Variants in PCDHGA7 observed in about 807,000 individuals in gnomAD.
PCDHGA7 encodes protocadherin gamma subfamily A, 7.
A neutral mutation model predicts 58.3 loss-of-function variants in PCDHGA7; 44 were observed. That is an observed-to-expected ratio of 0.75 (90% CI 0.59 to 0.97). The LOEUF (loss-of-function observed/expected upper bound fraction) is 0.97, where lower values mean the gene tolerates loss of function less well. PCDHGA7 is among the 50% of genes least tolerant of loss of function. The pLI is 0.00. For missense variants in PCDHGA7, 1,266 were observed against 1,188.7 expected, an observed-to-expected ratio of 1.06 and a Z score of -0.96; for synonymous variants, 516 against 504.2, an observed-to-expected ratio of 1.02 and a Z score of -0.31.
In PCDHGA7 at chr5:141,432,021, C is replaced by G. The variant is rs746940912; in HGVS notation, c.2424+46698C>G. 1.9e-5 allele frequency: 30 copies of G among 1,614,076 alleles called. No individual in the cohort carries two copies. The highest frequency in any genetic ancestry group is 2.7e-5 in the African/African-American group (2 of 74,922). Reference sequence around the variant, plus strand: ...GAACAGGTTCCTAGCTACAACATCACAGTGACCGCCACTGACCGGGGAACC... The same window carrying G: ...GAACAGGTTCCTAGCTACAACATCAGAGTGACCGCCACTGACCGGGGAACC... On this transcript the variant is annotated intron_variant, in intron 1 of 3. Transcript: ENST00000518325. The surrounding 1 kb of genome is among the most constrained non-coding windows in gnomAD (Gnocchi z 6.0).
chr5:141,494,891 C>G, intron 2 of PCDHGA7, 26 bp downstream of exon 2: 1 of 1,614,098 alleles, frequency 6.2e-7, no homozygotes. Flanking sequence ...TCCAGCCCAC[C>G]CTCTTCTCTG....
chr5:141,495,810 C>T (rs1003475681), intron 2 of PCDHGA7, among the ~76,000 whole-genome samples: 1 of 152,088 alleles, frequency 6.6e-6, no homozygotes, highest in Non-Finnish European at 1.5e-5. Context: ...CGTTTCCTAG[C>T]GCCTTGTGTT....
At chr5:141,473,066 A>G (rs1002054198) in intron 1 of PCDHGA7, among the ~76,000 whole-genome samples, 3 of 152,128 alleles carry the variant, frequency 2.0e-5, no homozygotes, top group African/African-American at 7.2e-5. Context: ...AACAAGTTAC[A>G]GCATCTTTGT....
intron 1 of PCDHGA7, among the ~76,000 whole-genome samples, chr5:141,444,062 A>G (rs1335403906): frequency 6.7e-6 from 1 of 149,402 alleles, no homozygotes; most frequent in African/African-American, 2.5e-5. Context: ...TTCAATCTAG[A>G]TTCTGATGCT....
intron 1 of PCDHGA7, among the ~76,000 whole-genome samples, chr5:141,472,980 CAAAAA>C (rs60579131): frequency 1.2e-5 from 1 of 86,106 alleles, no homozygotes; most frequent in African/African-American, 3.9e-5. Flanking sequence ...GAGTGAAACT[CAAAAA>C]AAAAAAAAAA....
In PCDHGA7 at chr5:141,431,514, C is replaced by T. The variant is rs760416874; in HGVS notation, c.2424+46191C>T. ...CAGCCCGAGTACCGCGCGAGCGTTC[C>T]GGAGAATCTGGCCTTGGGCACGCAG... On this transcript the variant is annotated intron_variant, in intron 1 of 3. Transcript: ENST00000518325. This position sits in a 1 kb window ranked among gnomAD's most constrained non-coding sequence, Gnocchi z 4.8. 3.1e-6 allele frequency: 5 copies of T among 1,614,012 alleles called. No homozygotes were observed. The highest frequency in any genetic ancestry group is 1.1e-5 in the South Asian group (1 of 91,082).
intron 1 of PCDHGA7, chr5:141,395,163 G>A: frequency 6.2e-7 from 1 of 1,614,160 alleles, no homozygotes; most frequent in Middle Eastern, 1.6e-4. Flanking sequence ...CAGTCAGGAG[G>A]GCTGTGAGAA....
Position 141,485,208 on chromosome 5 carries a change from G to T in PCDHGA7, c.2425-9599G>T, listed in dbSNP as rs2099609377. On this transcript the variant is annotated intron_variant, in intron 1 of 3. Coordinates refer to ENST00000518325, the MANE Select transcript of PCDHGA7 (RefSeq NM_018920.4). This position sits in a 1 kb window ranked among gnomAD's most constrained non-coding sequence, Gnocchi z 5.7. ...AAGGTGAGAAGCTGGACAGAAATCT[G>T]GCGGTGGGCTACCCTTTTGTTCCTC... The T allele has an allele frequency of 6.2e-7, 1 of 1,613,998 alleles. No homozygotes were observed. The highest frequency in any genetic ancestry group is 1.3e-5 in the African/African-American group (1 of 74,930).
Position 141,476,715 on chromosome 5 carries a change from G to C in PCDHGA7, c.2425-18092G>C. 6.2e-7 allele frequency: 1 copy of C among 1,614,168 alleles called. No individual in the cohort carries two copies. The highest frequency in any genetic ancestry group is 8.5e-7 in the Non-Finnish European group (1 of 1,180,030). On this transcript the variant is annotated intron_variant, in intron 1 of 3. Transcript: ENST00000518325. The surrounding 1 kb of genome is among the most constrained non-coding windows in gnomAD (Gnocchi z 7.6). ...AAGTACGCGGAGCTGGTGTTGGAGC[G>C]CGCCCTGGACCGAGAACGGGAGCCT...
At chr5:141,466,457 A>G (rs969935541) in intron 1 of PCDHGA7, among the ~76,000 whole-genome samples, 12 of 152,146 alleles carry the variant, frequency 7.9e-5, no homozygotes, top group Admixed American at 6.6e-4. Context: ...GGTGTTGGCT[A>G]TTGTTTCTGC....
chr5:141,501,447 A>G (rs1483189279), intron 2 of PCDHGA7, among the ~76,000 whole-genome samples: 1 of 151,816 alleles, frequency 6.6e-6, no homozygotes, highest in Middle Eastern at 3.2e-3. Flanking sequence ...TTCCATTTTT[A>G]CTTTTCACTA....
At chr5:141,400,533 C>T in intron 1 of PCDHGA7, 11 of 1,613,902 alleles carry the variant, frequency 6.8e-6, no homozygotes, top group Non-Finnish European at 9.3e-6. Context: ...TGGTGAGTTT[C>T]ATTTATGTCT....
chr5:141,490,822 C>T lies in PCDHGA7; in HGVS notation c.2425-3985C>T. ...GCGTACCTTTGACTATGAATTGCTG[C>T]AGATGCTGCAGATTGTGGTGGGGGT... On this transcript the variant is annotated intron_variant, in intron 1 of 3. Coordinates refer to ENST00000518325, the MANE Select transcript of PCDHGA7 (RefSeq NM_018920.4). This position sits in a 1 kb window ranked among gnomAD's most constrained non-coding sequence, Gnocchi z 5.4. 2 of 1,613,842 alleles carry T rather than the reference C, an allele frequency of 1.2e-6. No individual in the cohort carries two copies. Among genetic ancestry groups the T allele is most frequent in the Non-Finnish European group, 1.7e-6 (2 of 1,179,790 alleles).
intron 1 of PCDHGA7, chr5:141,423,357 C>T: frequency 6.2e-7 from 1 of 1,614,214 alleles, no homozygotes; most frequent in Non-Finnish European, 8.5e-7. Context: ...TCTTTGTCAT[C>T]GTGCTGCTGG....
chr5:141,417,910 A>G (rs1339671115), intron 1 of PCDHGA7: 2 of 1,599,246 alleles, frequency 1.3e-6, no homozygotes, highest in East Asian at 2.3e-5. Flanking sequence ...GGCAGGTACT[A>G]TTTCCTTTGC....
At chr5:141,407,238 T>C (rs538322072) in intron 1 of PCDHGA7, among the ~76,000 whole-genome samples, 1 of 152,338 alleles carries the variant, frequency 6.6e-6, no homozygotes, top group East Asian at 1.9e-4. Context: ...AAATAAAGCA[T>C]ACTTCAGGCT....
chr5:141,404,499 C>T lies in PCDHGA7; in HGVS notation c.2424+19176C>T, dbSNP rs147632103. ...AACTCAGACACTGGTGTGCTGTATG[C>T]TCTGTGCTCCTTTGACTATGAGCAG... On this transcript the variant is annotated intron_variant, in intron 1 of 3. Coordinates refer to ENST00000518325, the MANE Select transcript of PCDHGA7 (RefSeq NM_018920.4). 1.0e-4 allele frequency: 163 copies of T among 1,613,840 alleles called. 1 individual carries two copies. The East Asian group carries it at 3.6e-3, about 36-fold the overall frequency.
chr5:141,468,860 C>A (rs941902317), intron 1 of PCDHGA7, among the ~76,000 whole-genome samples: 16 of 151,980 alleles, frequency 1.1e-4, no homozygotes, highest in Admixed American at 4.6e-4. Context: ...AGCGAGACTC[C>A]ATCTCAAAAA....
rs951964805 is a variant in PCDHGA7, at chr5:141,512,109, C to A, written c.*936C>A. The A allele has an allele frequency of 1.0e-4, 16 of 152,656 alleles. No individual in the cohort carries two copies. The highest frequency in any genetic ancestry group is 1.5e-5 in the Non-Finnish European group (1 of 68,058). 9.5% of individuals were successfully genotyped at this position (152,656 alleles called of 1,614,324 possible). Reference sequence around the variant, plus strand: ...ACCAATAACTAGGCTGGACCCTTCCCACTACATAATAGGGCTCAGCCCAGG... The same window carrying A: ...ACCAATAACTAGGCTGGACCCTTCCAACTACATAATAGGGCTCAGCCCAGG... On this transcript the variant is annotated 3_prime_UTR_variant, in exon 4 of 4. Coordinates refer to ENST00000518325, the MANE Select transcript of PCDHGA7 (RefSeq NM_018920.4).
Sources: gnomAD v4.1 joint callset for allele counts (sites outside exome capture counted in the v4.1 genomes callset) on GRCh38, gnomAD v4.1.1 for gene constraint, Gnocchi (gnomAD v3.1) non-coding constraint, MANE v1.5 for transcripts, NCBI Gene and HGNC (gene_info 2026-07-23, HGNC 2026-07-21) for gene names.